The following ACKR2 variants were observed in gnomAD, a reference collection of about 807,000 sequenced individuals.
ACKR2 encodes the protein C-C chemokine receptor D6.
For missense variants in ACKR2, 457 were observed against 477.3 expected (o/e 0.96, Z 0.40); for synonymous variants, 207 against 192.2 (o/e 1.08, Z -0.64).
At chr3:42,817,065 A>G (rs900017748) in intron 1 of ACKR2, among the ~76,000 whole-genome samples, 1 of 152,142 alleles carries the variant, frequency 6.6e-6, no homozygotes, top group Non-Finnish European at 1.5e-5. Context: ...CACATTTTTC[A>G]TCAACACAAT....
chr3:42,818,593 A>G (rs1211049794), intron 1 of ACKR2, among the ~76,000 whole-genome samples: 1 of 152,082 alleles, frequency 6.6e-6, no homozygotes, highest in Non-Finnish European at 1.5e-5. Flanking sequence ...ACGGAGTCTC[A>G]CTCTGTCACC....
chr3:42,820,264 ACT>A (rs1202001903), intron 2 of ACKR2, among the ~76,000 whole-genome samples: 1 of 151,676 alleles, frequency 6.6e-6, no homozygotes, highest in Non-Finnish European at 1.5e-5. Flanking sequence ...TTCCTGAGTG[ACT>A]CTCCGTATGT....
Position 42,865,620 on chromosome 3 carries a change from A to T in ACKR2, c.1118A>T (p.Tyr373Phe), listed in dbSNP as rs2228468. Residue 373 changes from tyrosine to phenylalanine, a missense_variant, in exon 3 of 3, where the codon TAC becomes TTC. Physicochemically the swap from Tyr to Phe is conservative, Grantham distance 22 (BLOSUM62 3). Transcript: ENST00000422265. ...NDLGERQSENYPNKEDVGNKS... is the reference protein window; with the variant it reads ...NDLGERQSENFPNKEDVGNKS... ...CTTGGAGAGAGGCAGTCTGAGAACT[A>T]CCCTAACAAGGAGGATGTGGGGAAT... The T allele has an allele frequency of 0.011, 17,430 of 1,613,126 alleles. 103 individuals carry two copies. Among genetic ancestry groups the T allele is most frequent in the Non-Finnish European group, 0.012 (14,442 of 1,179,636 alleles).
intron 2 of ACKR2, among the ~76,000 whole-genome samples, chr3:42,837,390 A>AAT (rs566442672): frequency 4.0e-5 from 6 of 151,696 alleles, no homozygotes; most frequent in Middle Eastern, 3.2e-3. Flanking sequence ...CTAATTTTTG[A>AAT]ATATATATAT....
chr3:42,859,580 A>G (rs1477188403), intron 2 of ACKR2, among the ~76,000 whole-genome samples: 1 of 151,876 alleles, frequency 6.6e-6, no homozygotes, highest in African/African-American at 2.4e-5. Context: ...ATGGGGTTTC[A>G]CCGTGTTAGC....
intron 2 of ACKR2, among the ~76,000 whole-genome samples, chr3:42,843,670 G>A (rs1374219167): frequency 1.3e-5 from 2 of 152,174 alleles, no homozygotes; most frequent in African/African-American, 4.8e-5. Context: ...AGATGGCAAA[G>A]TGCTATGTTT....
chr3:42,822,813 C>CAAAAA (rs71072739), intron 2 of ACKR2, among the ~76,000 whole-genome samples: 8 of 81,874 alleles, frequency 9.8e-5, no homozygotes, highest in East Asian at 8.2e-4. Flanking sequence ...GACTCCAGCT[C>CAAAAA]AAAAAAAAAA....
chr3:42,855,182 C>T (rs898492962), intron 2 of ACKR2, among the ~76,000 whole-genome samples: 1 of 152,122 alleles, frequency 6.6e-6, no homozygotes, highest in African/African-American at 2.4e-5. Flanking sequence ...CTCAGTGACT[C>T]CTTTTTGTAA....
chr3:42,829,910 A>G (rs72867329), intron 2 of ACKR2, among the ~76,000 whole-genome samples: 1,707 of 152,326 alleles, frequency 0.011, 39 homozygotes, highest in African/African-American at 0.039. Context: ...GTCATCCTAC[A>G]TGACCCTATT....
At chr3:42,812,976 A>G (rs1196962811) in intron 1 of ACKR2, among the ~76,000 whole-genome samples, 1 of 152,200 alleles carries the variant, frequency 6.6e-6, no homozygotes, top group Non-Finnish European at 1.5e-5. Flanking sequence ...GGCATGAGCC[A>G]CTATGCCCGG....
At chr3:42,818,546 A>G (rs1445424433) in intron 1 of ACKR2, among the ~76,000 whole-genome samples, 1 of 152,204 alleles carries the variant, frequency 6.6e-6, no homozygotes, top group East Asian at 1.9e-4. Context: ...ACTTAAACAG[A>G]TCAAATAAGG....
chr3:42,814,091 G>A (rs1387846445), intron 1 of ACKR2, among the ~76,000 whole-genome samples: 3 of 152,200 alleles, frequency 2.0e-5, no homozygotes, highest in East Asian at 1.9e-4. Context: ...GTGAATGATG[G>A]TGATAAATAT....
intron 2 of ACKR2, among the ~76,000 whole-genome samples, chr3:42,860,243 C>T (rs1263859226): frequency 1.6e-5 from 2 of 124,766 alleles, no homozygotes; most frequent in African/African-American, 3.0e-5. Flanking sequence ...CAACAAAGAT[C>T]AAAAAGACAA....
At chr3:42,833,426 A>G (rs1376523122) in intron 2 of ACKR2, among the ~76,000 whole-genome samples, 2 of 152,110 alleles carry the variant, frequency 1.3e-5, no homozygotes, top group Non-Finnish European at 2.9e-5. Context: ...GATTACATGC[A>G]TAAGTTCTTT....
At chr3:42,851,327 A>G (rs1252577388) in intron 2 of ACKR2, 2 of 983,310 alleles carry the variant, frequency 2.0e-6, no homozygotes, top group Non-Finnish European at 1.2e-6. Flanking sequence ...GCTGCTGTCC[A>G]GAGAGGGGAT....
chr3:42,845,948 A>T (rs1227204283), intron 2 of ACKR2, among the ~76,000 whole-genome samples: 1 of 151,988 alleles, frequency 6.6e-6, no homozygotes, highest in Non-Finnish European at 1.5e-5. Flanking sequence ...AGGGGAAAAT[A>T]TCTGATTCAG....
At chr3:42,822,900 A>G (rs572492469) in intron 2 of ACKR2, among the ~76,000 whole-genome samples, 18 of 151,840 alleles carry the variant, frequency 1.2e-4, no homozygotes, top group African/African-American at 4.3e-4. Flanking sequence ...CATGAAAGCT[A>G]GGATCTTTTT....
intron 2 of ACKR2, among the ~76,000 whole-genome samples, chr3:42,822,161 C>T (rs1264485519): frequency 7.7e-6 from 1 of 130,430 alleles, no homozygotes; most frequent in Non-Finnish European, 1.6e-5. Flanking sequence ...TAGATAGAGA[C>T]AGATATAAAT....
chr3:42,841,492 A>G (rs898769391), intron 2 of ACKR2: 2 of 152,156 alleles, frequency 1.3e-5, no homozygotes, highest in African/African-American at 4.8e-5. Context: ...AGACTCCTTT[A>G]ATTGTTGCCT....
Sources: gnomAD v4.1 joint callset for allele counts (sites outside exome capture counted in the v4.1 genomes callset) on GRCh38, gnomAD v4.1.1 for gene constraint, MANE v1.5 for transcripts, NCBI Gene and HGNC (gene_info 2026-07-23, HGNC 2026-07-21) for gene names.